Variants in NHSL2 observed in about 807,000 individuals in gnomAD.
NHSL2 encodes the protein NHS-like protein 2.
Under a neutral mutation model 53.4 loss-of-function variants are expected in NHSL2, and 27 were observed. The ratio of observed to expected loss-of-function variants is 0.51; its 90% CI spans 0.37 to 0.70. The LOEUF (loss-of-function observed/expected upper bound fraction) is 0.70. NHSL2 is among the 30% of genes least tolerant of loss of function. The pLI is 0.00. For synonymous variants in NHSL2, 408 were observed against 404.1 expected (o/e 1.01, Z -0.12); for missense variants, 892 against 980.1 (o/e 0.91, Z 1.20).
chrX:71,922,650 T>TA (rs1296503156), intron 1 of NHSL2, among the ~76,000 whole-genome samples: 1 of 111,727 alleles, frequency 9.0e-6, no homozygotes, highest in Non-Finnish European at 1.9e-5. Flanking sequence ...TGACTGTATT[T>TA]AAAAAAAGAA....
chrX:72,002,427 T>C (rs1181654345), intron 1 of NHSL2, among the ~76,000 whole-genome samples: 2 of 112,774 alleles, frequency 1.8e-5, no homozygotes, highest in Admixed American at 1.9e-4. Flanking sequence ...GAAGAAATAA[T>C]TTTACTCTAG....
chrX:72,028,141 G>A (rs745853366), intron 1 of NHSL2, among the ~76,000 whole-genome samples: 1 of 112,571 alleles, frequency 8.9e-6, no homozygotes, highest in East Asian at 2.8e-4. Context: ...AAGGTGAATG[G>A]GATTCAGTCT....
chrX:72,147,748 A>G lies in NHSL2; in HGVS notation c.*4174A>G, dbSNP rs920339046. The G allele has an allele frequency of 9.0e-5, 10 of 111,569 alleles. No individual in the cohort carries two copies. The highest frequency in any genetic ancestry group is 5.7e-4 in the Admixed American group (6 of 10,479). 9.2% of individuals were successfully genotyped at this position (111,569 alleles called of 1,213,427 possible). ...TTGCTTCCCAGCACCAACTCTCTTC[A>G]GTGCCTCCTACTTCCTTCTCCTCCT... On this transcript the variant is annotated 3_prime_UTR_variant, in exon 8 of 8. Coordinates refer to ENST00000633930, the MANE Select transcript of NHSL2 (RefSeq NM_001013627.3).
intron 1 of NHSL2, among the ~76,000 whole-genome samples, chrX:72,095,100 C>G (rs1014217841): frequency 8.9e-6 from 1 of 112,051 alleles, no homozygotes; most frequent in African/African-American, 3.2e-5. Flanking sequence ...GCCATGGCCC[C>G]TGTTGCCATG....
chrX:72,140,946 G>A, intron 6 of NHSL2, 175 bp downstream of exon 6: 1 of 416,323 alleles, frequency 2.4e-6, no homozygotes, highest in Non-Finnish European at 4.2e-6. Context: ...TGGCCTTACT[G>A]CCCTTGAGAT....
At chrX:71,949,514 C>T (rs1569465604) in intron 1 of NHSL2, among the ~76,000 whole-genome samples, 1 of 111,408 alleles carries the variant, frequency 9.0e-6, no homozygotes, top group African/African-American at 3.3e-5. Flanking sequence ...GTGTTAGGGT[C>T]GGGGAGTGAG....
chrX:72,134,253 C>T (rs941606710), intron 3 of NHSL2, 35 bp downstream of exon 3: 12 of 1,144,696 alleles, frequency 1.0e-5, no homozygotes, highest in Non-Finnish European at 1.4e-5. Flanking sequence ...GGAGAGCCAG[C>T]ATGCACCCAC....
At chrX:72,003,339 A>G (rs1057127407) in intron 1 of NHSL2, among the ~76,000 whole-genome samples, 1 of 111,382 alleles carries the variant, frequency 9.0e-6, no homozygotes, top group African/African-American at 3.3e-5. Context: ...TTGCTACCCT[A>G]TCCCTTCCAG....
chrX:71,929,124 C>A (rs1448376960), intron 1 of NHSL2, among the ~76,000 whole-genome samples: 1 of 111,979 alleles, frequency 8.9e-6, no homozygotes, highest in Non-Finnish European at 1.9e-5. Flanking sequence ...TGTGAATTAT[C>A]CCCTAAGACT....
chrX:72,049,039 G>GGAAGAGGAAGAGGAA (rs1556340844), intron 1 of NHSL2, among the ~76,000 whole-genome samples: 2 of 94,653 alleles, frequency 2.1e-5, no homozygotes, highest in African/African-American at 5.0e-5. Context: ...AAGAGGAAGA[G>GGAAGAGGAAGAGGAA]GAAGAAGAAG....
At chrX:71,917,257 C>T (rs1309561508) in intron 1 of NHSL2, among the ~76,000 whole-genome samples, 1 of 61,083 alleles carries the variant, frequency 1.6e-5, no homozygotes, top group Admixed American at 2.4e-4. Flanking sequence ...CTCTCTCCCT[C>T]CCCCCTCCCT....
At chrX:72,129,755 G>A (rs2042264810) in intron 1 of NHSL2, 2 of 980,627 alleles carry the variant, frequency 2.0e-6, no homozygotes, top group Admixed American at 5.9e-5. Context: ...AGCAAATGGG[G>A]CAGGTATGGC....
At chrX:72,090,364 C>A (rs1438056148) in intron 1 of NHSL2, among the ~76,000 whole-genome samples, 1 of 111,429 alleles carries the variant, frequency 9.0e-6, no homozygotes, top group African/African-American at 3.3e-5. Flanking sequence ...CGTGCCCGGC[C>A]GTATCTTTTT....
At position 72,152,972 on chromosome X, in the gene NHSL2, G is replaced by A. The variant is rs941156257; in HGVS notation, c.*9398G>A. On this transcript the variant is annotated 3_prime_UTR_variant, in exon 8 of 8. Coordinates refer to ENST00000633930, the MANE Select transcript of NHSL2 (RefSeq NM_001013627.3). ...GCCAACAATGCACTTAGAAAAATAAGGGAGACAAGAATTTACAGACCATAC... is the reference window on the plus strand; with the variant it reads ...GCCAACAATGCACTTAGAAAAATAAAGGAGACAAGAATTTACAGACCATAC... The A allele has an allele frequency of 8.9e-6, 1 of 112,103 alleles. No individual in the cohort carries two copies. The highest frequency in any genetic ancestry group is 1.9e-5 in the Non-Finnish European group (1 of 53,229). 9.2% of individuals were successfully genotyped at this position (112,103 alleles called of 1,213,427 possible).
At chrX:71,911,898 C>A (rs917004916) in intron 1 of NHSL2, among the ~76,000 whole-genome samples, 7 of 112,075 alleles carry the variant, frequency 6.2e-5, no homozygotes, top group African/African-American at 2.3e-4. Flanking sequence ...CCCGCTGGAG[C>A]GTGGACGCGG....
chrX:72,004,905 CT>C (rs1223094445), intron 1 of NHSL2, among the ~76,000 whole-genome samples: 1 of 110,334 alleles, frequency 9.1e-6, no homozygotes, highest in Non-Finnish European at 1.9e-5. Flanking sequence ...CAGCATTTAG[CT>C]TGTAAGCTCC....
chrX:71,957,266 G>C lies in NHSL2; in HGVS notation c.280+45899G>C, dbSNP rs578095701. 6.3e-5 allele frequency among the ~76,000 whole-genome samples: 7 copies of C among 111,819 alleles called. No individual in the cohort carries two copies. The East Asian group carries it at 1.1e-3, about 18-fold the overall frequency. On this transcript the variant is annotated intron_variant, in intron 1 of 7. Coordinates refer to ENST00000633930, the MANE Select transcript of NHSL2 (RefSeq NM_001013627.3). ...TATGGGCTGGGGTTGGGGCAGTGCTGGGCTGAGCTGAGTTGCACACAGTCA... is the reference window on the plus strand; with the variant it reads ...TATGGGCTGGGGTTGGGGCAGTGCTCGGCTGAGCTGAGTTGCACACAGTCA...
At chrX:72,126,982 G>A (rs2042232196) in intron 1 of NHSL2, 1 of 111,746 alleles carries the variant, frequency 8.9e-6, no homozygotes, top group African/African-American at 3.3e-5. Flanking sequence ...AGCCTCACCG[G>A]CCCTTGGTTT....
At chrX:72,111,034 G>A (rs995185778) in intron 1 of NHSL2, among the ~76,000 whole-genome samples, 5 of 112,803 alleles carry the variant, frequency 4.4e-5, no homozygotes, top group Non-Finnish European at 5.6e-5. Flanking sequence ...TATGGCAACC[G>A]GAATTAGGAA....
Sources: gnomAD v4.1 joint callset for allele counts (sites outside exome capture counted in the v4.1 genomes callset) on GRCh38, gnomAD v4.1.1 for gene constraint, MANE v1.5 for transcripts, NCBI Gene and HGNC (gene_info 2026-07-23, HGNC 2026-07-21) for gene names.